ZNF420: variants seen among roughly 807,000 people sequenced by gnomAD.
ZNF420 encodes the protein zinc finger protein 420.
ZNF420 carries 31 observed loss-of-function variants against 44.7 expected under a neutral mutation model. That is an observed-to-expected ratio of 0.69 (90% confidence interval 0.52 to 0.94). The LOEUF is 0.94. Ranked by LOEUF, ZNF420 falls within the 40% of genes least tolerant of loss-of-function variation. The probability of loss-of-function intolerance (pLI) is 0.00; values close to 1 mark genes in which losing one functional copy is unlikely to be tolerated. For synonymous variants in ZNF420, 245 were observed against 267.4 expected, an observed-to-expected ratio of 0.92 and a Z score of 0.82; for missense variants, 681 against 827.9, an observed-to-expected ratio of 0.82 and a Z score of 2.18.
chr19:37,110,064 C>A lies in ZNF420; in HGVS notation c.137-17064C>A, dbSNP rs1970306850. Among the ~76,000 whole-genome samples, 2 of 152,266 alleles carry A rather than the reference C, an allele frequency of 1.3e-5. 1 individual carries two copies. The highest frequency in any genetic ancestry group is 2.9e-5 in the Non-Finnish European group (2 of 68,020). ...TTCTTGGAAAGCTTTACTACAGTAT[C>A]CTGGTCCATTGTTAGTTTTAATTTT... On this transcript the variant is annotated intron_variant, in intron 4 of 4. Transcript: ENST00000337995.
intron 1 of ZNF420, among the ~76,000 whole-genome samples, chr19:37,065,789 G>A (rs1196742062): frequency 1.3e-5 from 2 of 152,162 alleles, no homozygotes; most frequent in East Asian, 1.9e-4. Context: ...GAAAATACTC[G>A]TACAGTGGTC....
At chr19:37,064,600 T>C (rs1423086510) in intron 1 of ZNF420, among the ~76,000 whole-genome samples, 1 of 152,188 alleles carries the variant, frequency 6.6e-6, no homozygotes, top group African/African-American at 2.4e-5. Flanking sequence ...TATGTGTGTA[T>C]TTATGTATAT....
At chr19:37,017,585 C>T (rs188621641) in intron 1 of ZNF420, among the ~76,000 whole-genome samples, 14 of 152,232 alleles carry the variant, frequency 9.2e-5, no homozygotes, top group East Asian at 5.8e-4. Flanking sequence ...TCTCAATTCA[C>T]GCAAAAAGTT....
chr19:37,026,612 C>T (rs201989658), intron 1 of ZNF420, among the ~76,000 whole-genome samples: 1 of 152,072 alleles, frequency 6.6e-6, no homozygotes, highest in Non-Finnish European at 1.5e-5. Context: ...AGCCACCGGG[C>T]CTGGTAGCCC....
intron 1 of ZNF420, among the ~76,000 whole-genome samples, chr19:37,019,631 C>T (rs1335583602): frequency 6.6e-6 from 1 of 151,902 alleles, no homozygotes; most frequent in Non-Finnish European, 1.5e-5. Context: ...AAAAATTAGC[C>T]AGGCGCAGTG....
chr19:37,046,105 A>G (rs1019113017), intron 1 of ZNF420, among the ~76,000 whole-genome samples: 1 of 152,166 alleles, frequency 6.6e-6, no homozygotes, highest in African/African-American at 2.4e-5. Context: ...CCCTCCCACA[A>G]CATATGGGAA....
intron 4 of ZNF420, among the ~76,000 whole-genome samples, chr19:37,112,467 C>T (rs140855449): frequency 0.019 from 2,943 of 152,180 alleles, 79 homozygotes; most frequent in East Asian, 0.05. Flanking sequence ...GTGCCTACGC[C>T]GACAAGTCCT....
intron 4 of ZNF420, among the ~76,000 whole-genome samples, chr19:37,099,618 G>A (rs1969651319): frequency 6.6e-6 from 1 of 151,902 alleles, no homozygotes; most frequent in Non-Finnish European, 1.5e-5. Flanking sequence ...CCATTCTGTA[G>A]GTTGTCTCTT....
At position 37,031,468 on chromosome 19, in the gene ZNF420, C is replaced by T. The variant is rs183837283; in HGVS notation, c.-125+23386C>T. On this transcript the variant is annotated intron_variant, in intron 1 of 4. Transcript: ENST00000587029. ...ACATTACCTGTGGATATCTGCCATCCTCTCCTTGCTTCTCTTTGTAATTTT... is the reference window on the plus strand; with the variant it reads ...ACATTACCTGTGGATATCTGCCATCTTCTCCTTGCTTCTCTTTGTAATTTT... 7.8e-4 allele frequency among the ~76,000 whole-genome samples: 119 copies of T among 151,966 alleles called. 1 individual carries two copies. The highest frequency in any genetic ancestry group is 2.7e-3 in the African/African-American group (112 of 41,448).
chr19:37,031,045 G>T (rs530628389), intron 1 of ZNF420, among the ~76,000 whole-genome samples: 1 of 152,002 alleles, frequency 6.6e-6, no homozygotes, highest in Non-Finnish European at 1.5e-5. Context: ...TAGTAGAAAC[G>T]GGGTTTTGCC....
intron 1 of ZNF420, among the ~76,000 whole-genome samples, chr19:37,028,671 G>A (rs180825152): frequency 1.3e-5 from 2 of 152,246 alleles, no homozygotes; most frequent in East Asian, 3.9e-4. Context: ...GCCACACTGG[G>A]TTCATAATCT....
At chr19:37,100,193 A>G (rs991916993) in intron 4 of ZNF420, among the ~76,000 whole-genome samples, 1 of 152,066 alleles carries the variant, frequency 6.6e-6, no homozygotes, top group Non-Finnish European at 1.5e-5. Flanking sequence ...TCCCAGCAAC[A>G]TTTACTGAAG....
chr19:37,019,269 T>C (rs1014748190), intron 1 of ZNF420, among the ~76,000 whole-genome samples: 6 of 152,120 alleles, frequency 3.9e-5, no homozygotes, highest in Non-Finnish European at 8.8e-5. Flanking sequence ...AATAAGCATG[T>C]AAAAAGATAC....
At chr19:37,110,120 T>C (rs112786180) in intron 4 of ZNF420, among the ~76,000 whole-genome samples, 242 of 152,348 alleles carry the variant, frequency 1.6e-3, no homozygotes, top group African/African-American at 5.0e-3. Context: ...CAAAATAAGA[T>C]AATAAATGTT....
chr19:37,034,271 A>T (rs147265125), intron 1 of ZNF420, among the ~76,000 whole-genome samples: 47 of 152,108 alleles, frequency 3.1e-4, no homozygotes, highest in African/African-American at 8.7e-4. Flanking sequence ...GTAATCAGTG[A>T]TGTTGAGCAT....
upstream of ZNF420, among the ~76,000 whole-genome samples, chr19:37,075,947 AC>A (rs1342189831): frequency 6.6e-6 from 1 of 152,086 alleles, no homozygotes; most frequent in African/African-American, 2.4e-5. Context: ...TAATTATATC[AC>A]ATAGTATTCT....
chr19:37,125,093 C>T (rs1386290539), intron 4 of ZNF420, among the ~76,000 whole-genome samples: 1 of 152,198 alleles, frequency 6.6e-6, no homozygotes, highest in Non-Finnish European at 1.5e-5. Context: ...CTGCCTTGGC[C>T]TCCCAAAGTG....
chr19:37,107,115 T>A (rs1568462525), intron 4 of ZNF420: 1 of 152,218 alleles, frequency 6.6e-6, no homozygotes, highest in Non-Finnish European at 1.5e-5. Context: ...TCCTCTTATC[T>A]GAACTGCAAA....
chr19:37,015,837 A>C (rs2074605320), intron 1 of ZNF420, among the ~76,000 whole-genome samples: 1 of 152,244 alleles, frequency 6.6e-6, no homozygotes, highest in Admixed American at 6.5e-5. Flanking sequence ...TTGGGCCCTC[A>C]TTCCCGGAGC....
Sources: allele counts gnomAD v4.1 joint callset (sites outside exome capture counted in the v4.1 genomes callset), GRCh38; gene constraint gnomAD v4.1.1; transcripts MANE v1.5; gene names NCBI Gene and HGNC (gene_info 2026-07-23, HGNC 2026-07-21).